IL4I1: variants seen among roughly 807,000 people sequenced by gnomAD.
The protein encoded by IL4I1 is L-amino-acid oxidase.
IL4I1 carries 24 observed loss-of-function variants against 29.7 expected under a neutral mutation model. That is an observed-to-expected ratio of 0.81 (90% CI 0.59 to 1.14). The LOEUF (loss-of-function observed/expected upper bound fraction) is 1.14, where lower values mean the gene tolerates loss of function less well. Among genes scored for constraint, IL4I1 ranks in the 50% most tolerant of loss-of-function variants. The pLI is 0.00. For missense variants in IL4I1, 686 were observed against 785.6 expected, an observed-to-expected ratio of 0.87 and a Z score of 1.52; for synonymous variants, 371 against 352.5, an observed-to-expected ratio of 1.05 and a Z score of -0.59.
Position 49,921,810 on chromosome 19 carries a change from G to A in IL4I1, c.-228+5884C>T, listed in dbSNP as rs1039826736. The stretch of plus-strand genomic sequence containing the variant: ...ATGAGTGCTGGCTGGGCTCAAGCCC[G>A]GGTACTTTCCTCCGTGCCCAAGCAA... On this transcript the variant is annotated intron_variant, in intron 2 of 9. Coordinates refer to the IL4I1 transcript ENST00000341114. This position sits in a 1 kb window ranked among gnomAD's most constrained non-coding sequence, Gnocchi z 5.4. 3.3e-5 allele frequency among the ~76,000 whole-genome samples: 5 copies of A among 152,194 alleles called. No homozygotes were observed. The highest frequency in any genetic ancestry group is 1.9e-4 in the East Asian group (1 of 5,190).
At chr19:49,905,924 A>T (rs1251691779) in intron 2 of IL4I1, among the ~76,000 whole-genome samples, 1 of 151,910 alleles carries the variant, frequency 6.6e-6, no homozygotes, top group East Asian at 1.9e-4. Flanking sequence ...ATAATGACTC[A>T]TGATCATGAC....
chr19:49,896,921 T>C, upstream of IL4I1: 1 of 981,674 alleles, frequency 1.0e-6, no homozygotes, highest in Non-Finnish European at 1.2e-6. Context: ...CCCCTTAAAC[T>C]GGCAGAGCCC....
At position 49,889,659 on chromosome 19, in the gene IL4I1, C is replaced by G. The variant is rs1453314047; in HGVS notation, c.*11G>C. 6.8e-7 allele frequency: 1 copy of G among 1,479,484 alleles called. No individual in the cohort carries two copies. Among genetic ancestry groups the G allele is most frequent in the African/African-American group, 1.4e-5 (1 of 70,706 alleles). 91.6% of individuals were successfully genotyped at this position (1,479,484 alleles called of 1,614,324 possible). On this transcript the variant is annotated 3_prime_UTR_variant, in exon 8 of 8. Transcript: ENST00000391826. The stretch of plus-strand genomic sequence containing the variant: ...GGGAGGCTGGACCACACGGCTTTTT[C>G]CGAAAATACTTTAATGCGAGGTCCT...
chr19:49,927,497 G>A (rs749776555), intron 2 of IL4I1, among the ~76,000 whole-genome samples: 73 of 152,202 alleles, frequency 4.8e-4, no homozygotes, highest in Admixed American at 3.1e-3. Context: ...GGTGGGACAA[G>A]CTCAGTCTAT....
intron 2 of IL4I1, chr19:49,909,086 G>C: frequency 6.2e-7 from 1 of 1,612,616 alleles, no homozygotes; most frequent in Non-Finnish European, 8.5e-7. Flanking sequence ...GGTCACAGGG[G>C]TACAGAGGGA....
chr19:49,893,229 A>T (rs1303766483), intron 5 of IL4I1, among the ~76,000 whole-genome samples: 2 of 151,908 alleles, frequency 1.3e-5, no homozygotes, highest in Non-Finnish European at 2.9e-5. Context: ...GTGTGGGAAG[A>T]CGTTTCTGGT....
At chr19:49,920,074 C>T (rs1400713655) in intron 2 of IL4I1, among the ~76,000 whole-genome samples, 1 of 152,118 alleles carries the variant, frequency 6.6e-6, no homozygotes, top group Non-Finnish European at 1.5e-5. Flanking sequence ...CACATGTGTG[C>T]CACCACACCA....
At chr19:49,918,792 G>A (rs2075687743) in intron 2 of IL4I1, among the ~76,000 whole-genome samples, 1 of 150,124 alleles carries the variant, frequency 6.7e-6, no homozygotes, top group African/African-American at 2.4e-5. Flanking sequence ...CCAGGAGGCC[G>A]CACCACCCTG....
intron 2 of IL4I1, among the ~76,000 whole-genome samples, chr19:49,905,739 G>A (rs1600487307): frequency 6.6e-6 from 1 of 152,252 alleles, no homozygotes; most frequent in South Asian, 2.1e-4. Context: ...TGGGATTACA[G>A]GCGCCCGCCA....
upstream of IL4I1, chr19:49,901,808 G>A: frequency 1.2e-6 from 1 of 861,590 alleles, no homozygotes; most frequent in Non-Finnish European, 1.7e-6. Context: ...ATTGGGGTCA[G>A]AGCAGCTGGG....
At chr19:49,925,824 C>A (rs1174783394) in intron 2 of IL4I1, among the ~76,000 whole-genome samples, 1 of 152,150 alleles carries the variant, frequency 6.6e-6, no homozygotes, top group Non-Finnish European at 1.5e-5. Flanking sequence ...ATGGAAAAAA[C>A]CAAGTGAGGG....
intron 2 of IL4I1, chr19:49,907,774 C>G (rs1267867534): frequency 9.6e-5 from 32 of 331,830 alleles, no homozygotes; most frequent in Non-Finnish European, 1.7e-4. Context: ...GACCTCAAGT[C>G]ATCTGCCCGC....
intron 2 of IL4I1, chr19:49,909,218 G>A (rs2075398177): frequency 1.2e-6 from 2 of 1,614,102 alleles, no homozygotes; most frequent in South Asian, 1.1e-5. Flanking sequence ...TGCTGTGGTG[G>A]CTGCTGGCGT....
At position 49,921,006 on chromosome 19, in the gene IL4I1, G is replaced by C. The variant is rs1375041584; in HGVS notation, c.-228+6688C>G. On this transcript the variant is annotated intron_variant, in intron 2 of 9. Coordinates refer to the IL4I1 transcript ENST00000341114. This position sits in a 1 kb window ranked among gnomAD's most constrained non-coding sequence, Gnocchi z 5.4. ...TTTCTCTGGGAACCAGGTGAAGGCA[G>C]CCAGAAGATGGGGGCAGGGTGGCTT... is the stretch of plus-strand genomic sequence containing the variant. Among the ~76,000 whole-genome samples, 1 of 152,182 alleles carries C rather than the reference G, an allele frequency of 6.6e-6. No homozygotes were observed. Among genetic ancestry groups the C allele is most frequent in the Non-Finnish European group, 1.5e-5 (1 of 68,026 alleles).
At chr19:49,902,452 C>A (rs370357779) in intron 3 of IL4I1, among the ~76,000 whole-genome samples, 3 of 150,090 alleles carry the variant, frequency 2.0e-5, no homozygotes, top group African/African-American at 7.4e-5. Context: ...CTCCGGATGG[C>A]AGCCATTTCT....
chr19:49,898,202 T>A (rs1293226851), upstream of IL4I1, among the ~76,000 whole-genome samples: 2 of 151,962 alleles, frequency 1.3e-5, no homozygotes, highest in East Asian at 3.9e-4. Flanking sequence ...ACGCCTGTAG[T>A]CCCAACTACT....
chr19:49,902,212 C>A (rs2075277482), intron 3 of IL4I1, among the ~76,000 whole-genome samples: 1 of 152,168 alleles, frequency 6.6e-6, no homozygotes, highest in East Asian at 1.9e-4. Context: ...GTTGGCTGGG[C>A]TGGTCTCGAA....
intron 2 of IL4I1, among the ~76,000 whole-genome samples, chr19:49,913,826 C>T (rs2075547276): frequency 6.6e-6 from 1 of 152,152 alleles, no homozygotes; most frequent in Non-Finnish European, 1.5e-5. Context: ...CTGGCAGACC[C>T]ATACATACCA....
Position 49,929,006 on chromosome 19 carries a change from G to A in IL4I1, c.-350+320C>T, listed in dbSNP as rs2075987584. On this transcript the variant is annotated intron_variant, in intron 1 of 9. Coordinates refer to the IL4I1 transcript ENST00000341114. Reference sequence around the variant, plus strand: ...CTGGATCCCCGGCTCAGAGGGAAGAGGTCGGATCCCCAGCTGAGAGGGAGG... The same window carrying A: ...CTGGATCCCCGGCTCAGAGGGAAGAAGTCGGATCCCCAGCTGAGAGGGAGG... The A allele has an allele frequency of 6.6e-6, 1 of 152,326 alleles. No individual in the cohort carries two copies. The highest frequency in any genetic ancestry group is 6.5e-5 in the Admixed American group (1 of 15,270). The allele number at this position is 152,326 out of a possible 1,614,324, so 9.4% of individuals were successfully genotyped here.
Sources: gnomAD v4.1 joint callset for allele counts (sites outside exome capture counted in the v4.1 genomes callset) on GRCh38, gnomAD v4.1.1 for gene constraint, Gnocchi (gnomAD v3.1) non-coding constraint, MANE v1.5 for transcripts, NCBI Gene and HGNC (gene_info 2026-07-23, HGNC 2026-07-21) for gene names.